NUP214: variants seen among roughly 807,000 people sequenced by gnomAD.
NUP214 encodes nucleoporin 214.
A neutral mutation model predicts 196.2 loss-of-function variants in NUP214; 79 were observed. That is an observed-to-expected ratio of 0.40 (90% confidence interval 0.34 to 0.49). The LOEUF is 0.49. NUP214 is among the 20% of genes least tolerant of loss of function. NUP214 has a pLI of 0.58. For synonymous variants in NUP214, 1,020 were observed against 990.5 expected, an observed-to-expected ratio of 1.03 and a Z score of -0.56; for missense variants, 2,468 against 2,539.0, an observed-to-expected ratio of 0.97 and a Z score of 0.60.
intron 17 of NUP214, among the ~76,000 whole-genome samples, chr9:131,152,505 AAAAT>A (rs1202613607): frequency 7.9e-5 from 12 of 151,322 alleles, no homozygotes; most frequent in African/African-American, 2.7e-4. Context: ...ATAAATAATA[AAAAT>A]AAATAATAAT....
intron 12 of NUP214, among the ~76,000 whole-genome samples, chr9:131,145,789 A>G (rs1285057872): frequency 6.6e-6 from 1 of 152,174 alleles, no homozygotes; most frequent in Non-Finnish European, 1.5e-5. Context: ...TAACTCTCCT[A>G]AGCATAATTG....
At chr9:131,199,807 T>G (rs1487077690) in intron 29 of NUP214, among the ~76,000 whole-genome samples, 1 of 152,232 alleles carries the variant, frequency 6.6e-6, no homozygotes, top group Non-Finnish European at 1.5e-5. Context: ...TAGTAACTGC[T>G]AATTCATTAT....
intron 30 of NUP214, among the ~76,000 whole-genome samples, chr9:131,210,359 G>C (rs893882073): frequency 3.5e-4 from 54 of 152,236 alleles, no homozygotes; most frequent in African/African-American, 1.3e-3. Context: ...GCCGGGCACA[G>C]TGGCTCACGC....
rs746324248 is a variant in NUP214 at position 131,151,866 on chromosome 9, T to G, written c.2408T>G (p.Leu803Arg). The G allele has an allele frequency of 3.2e-5, 52 of 1,612,508 alleles. No homozygotes were observed. The highest frequency in any genetic ancestry group is 3.9e-5 in the Non-Finnish European group (46 of 1,179,670). The change falls in exon 17 of 36, where the codon CTG (leucine) becomes CGG (arginine). Residue 803 changes from leucine (L) to arginine (R), a missense_variant. Leu to Arg is a moderately radical substitution (Grantham distance 102, BLOSUM62 -2). Transcript: ENST00000359428. ...GYLHLLYKRPLDPKSEAQLQE... is the reference protein window; with the variant it reads ...GYLHLLYKRPRDPKSEAQLQE... The stretch of plus-strand genomic sequence containing the variant: ...CTGCATTTGCTTTATAAAAGACCAC[T>G]GGATCCCAAGAGTGAAGCTCAGCTT...
In NUP214 at chr9:131,228,192, C is replaced by T. The variant is rs932541069; in HGVS notation, c.5935C>T (p.Pro1979Ser). 2.6e-5 allele frequency: 41 copies of T among 1,600,202 alleles called. No individual in the cohort carries two copies. Among genetic ancestry groups the T allele is most frequent in the Non-Finnish European group, 3.3e-5 (39 of 1,174,758 alleles). Residue 1979 changes from proline (P) to serine (S), a missense_variant, in exon 33 of 36, where the codon CCT becomes TCT. Physicochemically the swap from Pro to Ser is moderately conservative, Grantham distance 74. Transcript: ENST00000359428. Reference protein sequence around the residue: ...GFGAAPVFGSPPTFGGSPGFG... With the variant: ...GFGAAPVFGSSPTFGGSPGFG... Reference sequence around the variant, plus strand: ...CGGTGCTGCTCCAGTGTTTGGCAGCCCTCCTACTTTTGGGGGATCCCCTGG... The same window carrying T: ...CGGTGCTGCTCCAGTGTTTGGCAGCTCTCCTACTTTTGGGGGATCCCCTGG...
At chr9:131,185,491 A>ATGAATTTCT (rs1833428167) in intron 24 of NUP214, among the ~76,000 whole-genome samples, 1 of 152,200 alleles carries the variant, frequency 6.6e-6, no homozygotes, top group Non-Finnish European at 1.5e-5. Flanking sequence ...AAATATCAAG[A>ATGAATTTCT]TGAATTTCTG....
chr9:131,181,765 ATTCT>A (rs1833285406), intron 24 of NUP214, among the ~76,000 whole-genome samples: 1 of 152,194 alleles, frequency 6.6e-6, no homozygotes, highest in Admixed American at 6.5e-5. Flanking sequence ...ATTTTCTCCC[ATTCT>A]TTGAGTTGTT....
chr9:131,217,487 C>T (rs1447458685), intron 31 of NUP214, among the ~76,000 whole-genome samples: 2 of 152,206 alleles, frequency 1.3e-5, no homozygotes, highest in African/African-American at 4.8e-5. Context: ...AGCTGGCTGG[C>T]ACCACAGGAC....
At chr9:131,132,018 A>G (rs1050123477) in intron 5 of NUP214, among the ~76,000 whole-genome samples, 1 of 152,054 alleles carries the variant, frequency 6.6e-6, no homozygotes, top group African/African-American at 2.4e-5. Flanking sequence ...TGTCTGCATC[A>G]GTGCTAGTGG....
intron 9 of NUP214, among the ~76,000 whole-genome samples, chr9:131,139,075 A>G (rs989362322): frequency 6.6e-6 from 1 of 152,100 alleles, no homozygotes; most frequent in Admixed American, 6.5e-5. Flanking sequence ...TGGAAAATTA[A>G]CTTCCCATTT....
At chr9:131,185,443 T>A (rs1418037031) in intron 24 of NUP214, among the ~76,000 whole-genome samples, 1 of 151,948 alleles carries the variant, frequency 6.6e-6, no homozygotes, top group East Asian at 1.9e-4. Context: ...GAGATGTCTC[T>A]TTGGGGCTCT....
chr9:131,148,310 A>G (rs1163314826), intron 14 of NUP214, among the ~76,000 whole-genome samples: 1 of 152,198 alleles, frequency 6.6e-6, no homozygotes, highest in African/African-American at 2.4e-5. Flanking sequence ...AGATTTATCC[A>G]TGTCGTTGTA....
At chr9:131,187,682 C>T (rs982011118) in intron 25 of NUP214, among the ~76,000 whole-genome samples, 6 of 152,178 alleles carry the variant, frequency 3.9e-5, no homozygotes, top group Non-Finnish European at 5.9e-5. Context: ...CCACCGTACC[C>T]GGCCTGAGTT....
At chr9:131,209,187 A>G (rs1325482990) in intron 30 of NUP214, among the ~76,000 whole-genome samples, 1 of 152,036 alleles carries the variant, frequency 6.6e-6, no homozygotes, top group East Asian at 1.9e-4. Flanking sequence ...AGCCTGGGCA[A>G]CATGGCAAAA....
intron 16 of NUP214, 82 bp from the exon 17 acceptor site, chr9:131,151,654 G>A: frequency 8.9e-7 from 1 of 1,125,520 alleles, no homozygotes; most frequent in Non-Finnish European, 1.3e-6. Context: ...GAGCGTTTGA[G>A]AAACACCACC....
At position 131,188,328 on chromosome 9, in the gene NUP214, A is replaced by G. The variant is rs147943314; in HGVS notation, c.3496-725A>G. Among the ~76,000 whole-genome samples the G allele has an allele frequency of 4.2e-3, 646 of 152,368 alleles. 5 individuals are homozygous for G. The highest frequency in any genetic ancestry group is 0.015 in the African/African-American group (618 of 41,588). ...AGGTGATATTGCAAACAGTTAAACA[A>G]TCCAGAAAAAAGTGATAGGGGATGG... On this transcript the variant is annotated intron_variant, in intron 25 of 35. Transcript: ENST00000359428.
In NUP214 at chr9:131,233,834, C is replaced by T. The variant is rs149141981; in HGVS notation, c.*347C>T. On this transcript the variant is annotated 3_prime_UTR_variant, in exon 36 of 36. Transcript: ENST00000359428. ...GGATGGCATCAGAAGTCACCAGCGT[C>T]GGGTGTTGATAAACAGCATCGAATG... is the stretch of plus-strand genomic sequence containing the variant. 53 of 406,144 alleles carry T rather than the reference C, an allele frequency of 1.3e-4. 1 individual carries two copies. The highest frequency in any genetic ancestry group is 4.4e-4 in the South Asian group (18 of 40,640). 25.2% of individuals were successfully genotyped at this position (406,144 alleles called of 1,614,324 possible).
In NUP214 at chr9:131,178,351, T is replaced by G; in HGVS notation, c.3360T>G (p.Pro1120=). The G allele has an allele frequency of 6.2e-7, 1 of 1,614,082 alleles. No individual in the cohort carries two copies. Among genetic ancestry groups the G allele is most frequent in the Non-Finnish European group, 8.5e-7 (1 of 1,179,914 alleles). The change falls in exon 24 of 36, where the codon CCT becomes CCG. Residue 1120 remains proline, a synonymous_variant. Transcript: ENST00000359428. ...CTGAATCAACGTTGAAGAATGTCCCTCAAGTGGTAAATGTGCAGGAATTGA... is the reference window on the plus strand; with the variant it reads ...CTGAATCAACGTTGAAGAATGTCCCGCAAGTGGTAAATGTGCAGGAATTGA... ...TLTESTLKNV[P]QVVNVQELKN...
chr9:131,214,014 G>T (rs1002056049), intron 30 of NUP214, among the ~76,000 whole-genome samples: 1 of 152,186 alleles, frequency 6.6e-6, no homozygotes, highest in Non-Finnish European at 1.5e-5. Context: ...GCCATTGCAA[G>T]TAGTGCTCCA....
Sources: allele counts gnomAD v4.1 joint callset (sites outside exome capture counted in the v4.1 genomes callset), GRCh38; gene constraint gnomAD v4.1.1; transcripts MANE v1.5; gene names NCBI Gene and HGNC (gene_info 2026-07-23, HGNC 2026-07-21).